SDK1: variants seen among roughly 807,000 people sequenced by gnomAD.
SDK1 encodes the protein protein sidekick-1.
Under a neutral mutation model 245.5 loss-of-function variants are expected in SDK1, and 157 were observed. The observed-to-expected ratio is 0.64, with a 90% CI of 0.56 to 0.73. The LOEUF (loss-of-function observed/expected upper bound fraction) is 0.73. Among genes scored for constraint, SDK1 ranks in the 30% least tolerant of loss-of-function variants. The pLI, the probability that SDK1 is intolerant of heterozygous loss-of-function variation, is 0.00. For synonymous variants in SDK1, 1,647 were observed against 1,278.5 expected, an observed-to-expected ratio of 1.29 and a Z score of -6.15; for missense variants, 3,583 against 3,002.3, an observed-to-expected ratio of 1.19 and a Z score of -4.52.
rs112054957 is a variant in SDK1, at chr7:4,203,303, C to G, written c.5099-2576C>G. On this transcript the variant is annotated intron_variant, in intron 35 of 44. Coordinates refer to ENST00000404826, the MANE Select transcript of SDK1 (RefSeq NM_152744.4). ...GTCTCTCATTGCCTCAGCAAGATCCCTCTCCCAGGCCGCAGAGGCCCCCTG... is the reference window on the plus strand; with the variant it reads ...GTCTCTCATTGCCTCAGCAAGATCCGTCTCCCAGGCCGCAGAGGCCCCCTG... 1.3e-3 allele frequency among the ~76,000 whole-genome samples: 199 copies of G among 152,282 alleles called. 2 individuals are homozygous for G. The highest frequency in any genetic ancestry group is 4.3e-3 in the African/African-American group (180 of 41,556).
chr7:4,107,580 C>A (rs1251439942), intron 22 of SDK1, among the ~76,000 whole-genome samples: 1 of 152,078 alleles, frequency 6.6e-6, no homozygotes, highest in African/African-American at 2.4e-5. Context: ...CTAAGAGGAG[C>A]CCACCTAAGT....
intron 5 of SDK1, among the ~76,000 whole-genome samples, chr7:3,843,972 C>G (rs1365557344): frequency 6.6e-6 from 1 of 152,050 alleles, no homozygotes. Flanking sequence ...TTGCAGAAAT[C>G]CTATTTATTT....
intron 1 of SDK1, among the ~76,000 whole-genome samples, chr7:3,611,882 T>A (rs144830272): frequency 6.0e-4 from 91 of 152,196 alleles, no homozygotes; most frequent in African/African-American, 2.2e-3. Context: ...GTGGTGAGAA[T>A]GTAAATTAGT....
chr7:3,644,406 C>T (rs532622656), intron 4 of SDK1, among the ~76,000 whole-genome samples: 9 of 151,790 alleles, frequency 5.9e-5, no homozygotes, highest in South Asian at 2.1e-4. Flanking sequence ...AAAGATGCCT[C>T]GAGTTTCGAT....
intron 1 of SDK1, among the ~76,000 whole-genome samples, chr7:3,554,989 G>T (rs1485119038): frequency 6.6e-6 from 1 of 152,122 alleles, no homozygotes; most frequent in Non-Finnish European, 1.5e-5. Flanking sequence ...AATCAATATT[G>T]TTCAAATGTC....
chr7:3,890,729 G>C (rs2128101656), intron 5 of SDK1, among the ~76,000 whole-genome samples: 1 of 151,924 alleles, frequency 6.6e-6, no homozygotes, highest in South Asian at 2.1e-4. Flanking sequence ...ATCACCTGAG[G>C]TCAGGAGTTC....
At position 4,065,347 on chromosome 7, in the gene SDK1, G is replaced by T. The variant is rs573263002; in HGVS notation, c.2912-2491G>T. 5.3e-5 allele frequency among the ~76,000 whole-genome samples: 8 copies of T among 152,302 alleles called. No individual in the cohort carries two copies. The East Asian group carries it at 1.5e-3, about 29-fold the overall frequency. On this transcript the variant is annotated intron_variant, in intron 19 of 44. Coordinates refer to ENST00000404826, the MANE Select transcript of SDK1 (RefSeq NM_152744.4). ...GAGGAAATGAGAAGTTGTTGGGAGA[G>T]GGTAGCAGTAAAGAGGAAACAGAAT...
chr7:3,754,884 C>A (rs906839118), intron 4 of SDK1, among the ~76,000 whole-genome samples: 6 of 152,168 alleles, frequency 3.9e-5, no homozygotes, highest in African/African-American at 9.6e-5. Context: ...AGCACAGGGG[C>A]CTTCACCAGC....
At chr7:4,043,237 G>A (rs1453090965) in intron 17 of SDK1, among the ~76,000 whole-genome samples, 1 of 152,160 alleles carries the variant, frequency 6.6e-6, no homozygotes, top group African/African-American at 2.4e-5. Context: ...GTCACAGCCA[G>A]GGGCTCAGGT....
rs1036414875 is a variant in SDK1, at chr7:3,707,019, T to C, written c.713+64914T>C. ...AAGAACAAGATTTTTGTTTCATTGATATTTTGTTTTTGTTTTTTGTTTCAA... is the reference window on the plus strand; with the variant it reads ...AAGAACAAGATTTTTGTTTCATTGACATTTTGTTTTTGTTTTTTGTTTCAA... On this transcript the variant is annotated intron_variant, in intron 4 of 44. Coordinates refer to ENST00000404826, the MANE Select transcript of SDK1 (RefSeq NM_152744.4). 9.2e-5 allele frequency among the ~76,000 whole-genome samples: 14 copies of C among 152,328 alleles called. No homozygotes were observed. In the East Asian group the frequency reaches 1.7e-3, roughly 19 times the overall value.
At chr7:4,124,060 G>C (rs116630528) in intron 25 of SDK1, among the ~76,000 whole-genome samples, 1 of 152,224 alleles carries the variant, frequency 6.6e-6, no homozygotes, top group Non-Finnish European at 1.5e-5. Flanking sequence ...CGCTGGCCCT[G>C]TTAGGCTATG....
intron 1 of SDK1, among the ~76,000 whole-genome samples, chr7:3,596,206 G>C (rs529200515): frequency 2.6e-5 from 4 of 152,214 alleles, no homozygotes; most frequent in South Asian, 2.1e-4. Context: ...AGTAACAGAA[G>C]CTGTCATCTT....
Position 4,174,370 on chromosome 7 carries a change from CCT to C in SDK1, c.4936+16_4936+17del. ...GCTGAGCTCACAGGTGAGACTGTCC[CCT>C]CTGTCCTGGTACAGGGAGGGAGGTT... On this transcript the variant is annotated intron_variant, in intron 33 of 44. Coordinates refer to ENST00000404826, the MANE Select transcript of SDK1 (RefSeq NM_152744.4). The C allele has an allele frequency of 6.2e-7, 1 of 1,613,334 alleles. No individual in the cohort carries two copies. The highest frequency in any genetic ancestry group is 8.5e-7 in the Non-Finnish European group (1 of 1,179,488).
chr7:3,629,726 A>G (rs1782232986), intron 2 of SDK1, among the ~76,000 whole-genome samples: 1 of 152,202 alleles, frequency 6.6e-6, no homozygotes, highest in Non-Finnish European at 1.5e-5. Flanking sequence ...TAGGAATGCA[A>G]AAATTTCCAG....
chr7:3,332,668 G>A (rs751155547), intron 1 of SDK1, among the ~76,000 whole-genome samples: 1 of 152,108 alleles, frequency 6.6e-6, no homozygotes. Flanking sequence ...AGTTAGTAGA[G>A]GCTAGAAGAA....
At chr7:3,418,411 G>A (rs927739954) in intron 1 of SDK1, among the ~76,000 whole-genome samples, 10 of 152,158 alleles carry the variant, frequency 6.6e-5, no homozygotes, top group African/African-American at 2.4e-4. Flanking sequence ...AGAGTCACTG[G>A]CAGGTGGTGC....
chr7:3,395,326 T>TG (rs1310162016), intron 1 of SDK1, among the ~76,000 whole-genome samples: 6 of 151,974 alleles, frequency 3.9e-5, no homozygotes, highest in Admixed American at 3.9e-4. Context: ...TTAAAAAAGA[T>TG]GGCTTATCAT....
intron 1 of SDK1, among the ~76,000 whole-genome samples, chr7:3,320,308 C>T (rs1779771450): frequency 6.6e-6 from 1 of 151,014 alleles, no homozygotes; most frequent in East Asian, 1.9e-4. Context: ...CTTGTAAGTT[C>T]TCATATTATA....
intron 5 of SDK1, among the ~76,000 whole-genome samples, chr7:3,905,066 A>G (rs978790742): frequency 6.6e-6 from 1 of 152,080 alleles, no homozygotes; most frequent in African/African-American, 2.4e-5. Flanking sequence ...TTTATGATAT[A>G]TGAATTATAT....
Sources: allele counts gnomAD v4.1 joint callset (sites outside exome capture counted in the v4.1 genomes callset), GRCh38; gene constraint gnomAD v4.1.1; transcripts MANE v1.5; gene names NCBI Gene and HGNC (gene_info 2026-07-23, HGNC 2026-07-21).